CDC42BPB: variants seen among roughly 807,000 people sequenced by gnomAD.
The protein encoded by CDC42BPB is CDC42 binding protein kinase beta.
In CDC42BPB, 37 loss-of-function variants were observed where a neutral mutation model predicts 214.9. The ratio of observed to expected loss-of-function variants is 0.17; its 90% confidence interval spans 0.13 to 0.23. CDC42BPB has a LOEUF of 0.23. Among genes scored for constraint, CDC42BPB ranks in the 10% least tolerant of loss-of-function variants. The probability of loss-of-function intolerance (pLI) is 1.00; values close to 1 mark genes in which losing one functional copy is unlikely to be tolerated. For missense variants in CDC42BPB, 1,694 were observed against 2,227.0 expected, an observed-to-expected ratio of 0.76 and a Z score of 4.82; for synonymous variants, 931 against 884.0, an observed-to-expected ratio of 1.05 and a Z score of -0.94.
chr14:103,012,775 A>G (rs991908101), intron 1 of CDC42BPB, among the ~76,000 whole-genome samples: 1 of 152,208 alleles, frequency 6.6e-6, no homozygotes, highest in Non-Finnish European at 1.5e-5. Flanking sequence ...ACTGCACTCC[A>G]GTCTGGGCAA....
intron 18 of CDC42BPB, chr14:102,964,955 C>T (rs1424994296): frequency 3.2e-5 from 8 of 252,400 alleles, no homozygotes; most frequent in East Asian, 1.8e-4. Context: ...GATGTAGTTT[C>T]GCTCTTGTTG....
intron 34 of CDC42BPB, 110 bp from the exon 35 acceptor site, chr14:102,938,521 A>G: frequency 6.9e-7 from 1 of 1,446,124 alleles, no homozygotes; most frequent in Non-Finnish European, 9.0e-7. Context: ...GATGAGCAAA[A>G]TGGGGGCCAA....
intron 1 of CDC42BPB, among the ~76,000 whole-genome samples, chr14:103,053,562 C>G (rs889078307): frequency 1.3e-5 from 2 of 151,612 alleles, no homozygotes; most frequent in Non-Finnish European, 2.9e-5. Flanking sequence ...GAGATCGAGA[C>G]CATCCTGGCT....
At chr14:103,012,321 T>C (rs1461499093) in intron 1 of CDC42BPB, 133 bp from the exon 2 acceptor site, 7 of 1,448,152 alleles carry the variant, frequency 4.8e-6, no homozygotes, top group Non-Finnish European at 6.3e-6. Flanking sequence ...ATCTGACATG[T>C]TTTGGAAAGT....
At chr14:103,056,077 A>G (rs1888931557) in intron 1 of CDC42BPB, among the ~76,000 whole-genome samples, 1 of 152,204 alleles carries the variant, frequency 6.6e-6, no homozygotes, top group Non-Finnish European at 1.5e-5. Context: ...TGTCTTTAGG[A>G]TCCTAATTAT....
chr14:103,021,800 G>A (rs1042259258), intron 1 of CDC42BPB, among the ~76,000 whole-genome samples: 3 of 152,140 alleles, frequency 2.0e-5, no homozygotes, highest in Non-Finnish European at 4.4e-5. Context: ...TGGTACAGGC[G>A]GGGATCATGT....
rs113743446 is a variant in CDC42BPB, at chr14:103,013,936, C to T, written c.176-1748G>A. 5.0e-3 allele frequency among the ~76,000 whole-genome samples: 760 copies of T among 152,210 alleles called. 10 individuals are homozygous for T. Among genetic ancestry groups the T allele is most frequent in the African/African-American group, 0.017 (701 of 41,538 alleles). On this transcript the variant is annotated intron_variant, in intron 1 of 36. Transcript: ENST00000361246. Reference sequence around the variant, plus strand: ...ATCCCGGCACTTTGGGAGGCCGAGGCGGGCGGATCACGAGGTCAGGAGATC... The same window carrying T: ...ATCCCGGCACTTTGGGAGGCCGAGGTGGGCGGATCACGAGGTCAGGAGATC...
chr14:103,001,335 C>G lies in CDC42BPB; in HGVS notation c.448-1622G>C, dbSNP rs768589322. ...GGTCCCTGGCTCAGCAGAGCTCACA[C>G]TGGGGGCGGGAGAGACCGTGGCCAG... On this transcript the variant is annotated intron_variant, in intron 4 of 36. Transcript: ENST00000361246. The surrounding 1 kb of genome is among the most constrained non-coding windows in gnomAD (Gnocchi z 5.8). 7.9e-5 allele frequency among the ~76,000 whole-genome samples: 12 copies of G among 152,236 alleles called. No homozygotes were observed. The highest frequency in any genetic ancestry group is 1.6e-4 in the Non-Finnish European group (11 of 68,048).
At chr14:102,971,502 G>A (rs1893472269) in intron 13 of CDC42BPB, among the ~76,000 whole-genome samples, 1 of 152,164 alleles carries the variant, frequency 6.6e-6, no homozygotes, top group African/African-American at 2.4e-5. Flanking sequence ...TGTTGCTCAG[G>A]CTGGTCTCAA....
At position 102,946,703 on chromosome 14, in the gene CDC42BPB, A is replaced by G. The variant is rs2139374357; in HGVS notation, c.3532-19T>C. 6.2e-7 allele frequency: 1 copy of G among 1,611,696 alleles called. No individual in the cohort carries two copies. On this transcript the variant is annotated intron_variant, in intron 27 of 36. Coordinates refer to ENST00000361246, the MANE Select transcript of CDC42BPB (RefSeq NM_006035.4). Reference sequence around the variant, plus strand: ...CCGTCACCTTCATGACAGGAAACAGAAGAGAAGAGAGAAGTCATCAAACGC... The same window carrying G: ...CCGTCACCTTCATGACAGGAAACAGGAGAGAAGAGAGAAGTCATCAAACGC...
chr14:102,991,461 T>C (rs1022604966), intron 5 of CDC42BPB, among the ~76,000 whole-genome samples: 1 of 152,242 alleles, frequency 6.6e-6, no homozygotes. Context: ...AAATGCAACA[T>C]GTGATCCTGG....
chr14:102,976,221 A>G (rs895343075), intron 9 of CDC42BPB, 172 bp from the exon 10 acceptor site: 3 of 985,184 alleles, frequency 3.0e-6, no homozygotes, highest in Admixed American at 6.1e-5. Flanking sequence ...CAGATGGTCA[A>G]GGAGACACTG....
chr14:102,976,352 T>A (rs1893743746), intron 9 of CDC42BPB: 2 of 337,312 alleles, frequency 5.9e-6, no homozygotes, highest in Non-Finnish European at 8.4e-6. Flanking sequence ...GGATCCTGCG[T>A]AAAGCAAGGC....
intron 17 of CDC42BPB, 57 bp downstream of exon 17, chr14:102,966,989 A>G (rs1893236559): frequency 1.3e-6 from 2 of 1,574,408 alleles, no homozygotes; most frequent in Non-Finnish European, 1.7e-6. Flanking sequence ...GGCGGGGCAG[A>G]CCCCATGGAC....
intron 21 of CDC42BPB, chr14:102,956,136 G>C (rs1251334208): frequency 6.6e-6 from 1 of 152,178 alleles, no homozygotes; most frequent in Non-Finnish European, 1.5e-5. Flanking sequence ...TCATTTAGTT[G>C]GTTAATTAAT....
At chr14:102,971,821 C>T (rs1387266733) in intron 13 of CDC42BPB, 98 bp downstream of exon 13, 9 of 1,278,024 alleles carry the variant, frequency 7.0e-6, no homozygotes, top group Non-Finnish European at 9.8e-6. Flanking sequence ...AAATTTCTGA[C>T]CCCTTTTACA....
At chr14:102,946,231 G>C (rs552164176) in intron 28 of CDC42BPB, among the ~76,000 whole-genome samples, 13 of 152,048 alleles carry the variant, frequency 8.5e-5, no homozygotes, top group Non-Finnish European at 1.6e-4. Context: ...CACCGTGTTA[G>C]CCAGGATGGT....
intron 1 of CDC42BPB, among the ~76,000 whole-genome samples, chr14:103,033,899 G>A (rs1451007698): frequency 6.6e-6 from 1 of 152,186 alleles, no homozygotes; most frequent in South Asian, 2.1e-4. Flanking sequence ...CCCACGCCTG[G>A]TGTATTTGCC....
At chr14:103,040,922 T>C (rs947437495) in intron 1 of CDC42BPB, among the ~76,000 whole-genome samples, 1 of 152,206 alleles carries the variant, frequency 6.6e-6, no homozygotes, top group South Asian at 2.1e-4. Flanking sequence ...ACTGACAAGC[T>C]GTTCCTAAAA....
Sources: allele counts gnomAD v4.1 joint callset (sites outside exome capture counted in the v4.1 genomes callset), GRCh38; gene constraint gnomAD v4.1.1; non-coding constraint Gnocchi (gnomAD v3.1); transcripts MANE v1.5; gene names NCBI Gene and HGNC (gene_info 2026-07-23, HGNC 2026-07-21).